The following TMPRSS6 variants were observed in gnomAD, a reference collection of about 807,000 sequenced individuals.
TMPRSS6 encodes the protein transmembrane protease serine 6.
TMPRSS6 carries 67 observed loss-of-function variants against 101.5 expected under a neutral mutation model. The ratio of observed to expected loss-of-function variants is 0.66; its 90% CI spans 0.54 to 0.81. The LOEUF is 0.81. Ranked by LOEUF, TMPRSS6 falls within the 30% of genes least tolerant of loss-of-function variation. The probability of loss-of-function intolerance (pLI) is 0.00; values close to 1 mark genes in which losing one functional copy is unlikely to be tolerated. For synonymous variants in TMPRSS6, 453 were observed against 464.9 expected (o/e 0.97, Z 0.33); for missense variants, 1,034 against 1,088.7 (o/e 0.95, Z 0.71).
At chr22:37,100,419 G>GT (rs1930212709) in intron 2 of TMPRSS6, among the ~76,000 whole-genome samples, 1 of 152,152 alleles carries the variant, frequency 6.6e-6, no homozygotes, top group Non-Finnish European at 1.5e-5. Context: ...TGTCCAGGGG[G>GT]ACAGAGCCTG....
intron 16 of TMPRSS6, chr22:37,068,788 T>G: frequency 1.4e-6 from 1 of 721,400 alleles, no homozygotes. Context: ...GAACAGCAGG[T>G]GGAGCTTGCA....
At chr22:37,090,364 C>T (rs1160263397) in intron 6 of TMPRSS6, among the ~76,000 whole-genome samples, 1 of 152,188 alleles carries the variant, frequency 6.6e-6, no homozygotes, top group African/African-American at 2.4e-5. Flanking sequence ...CCACACACTC[C>T]TCTGGCTGCT....
Position 37,086,394 on chromosome 22 carries a change from G to A in TMPRSS6, c.862C>T (p.Pro288Ser). The A allele has an allele frequency of 6.3e-7, 1 of 1,599,138 alleles. No homozygotes were observed. Among genetic ancestry groups the A allele is most frequent in the East Asian group, 2.3e-5 (1 of 43,848 alleles). Residue 288 changes from proline to serine, a missense_variant, in exon 8 of 18, where the codon CCC becomes TCC. Physicochemically the swap from Pro to Ser is moderately conservative, Grantham distance 74 (BLOSUM62 -1). Coordinates refer to ENST00000676104, the MANE Select transcript of TMPRSS6 (RefSeq NM_001374504.1). ...CCCGACGCCAGAACCTCCACCACGG[G>A]CTCCTGGCGGCTGCAGCCGTACACC... Reference protein sequence around the residue: ...TSVYGCSRQEPVVEVLASGAI... With the variant: ...TSVYGCSRQESVVEVLASGAI...
At chr22:37,073,511 A>T in intron 13 of TMPRSS6, 21 bp downstream of exon 13, 1 of 1,563,070 alleles carries the variant, frequency 6.4e-7, no homozygotes, top group South Asian at 1.1e-5. Context: ...CCCTCCAGAC[A>T]CTCGGCTAGG....
rs1464537074 is a variant in TMPRSS6, at chr22:37,101,116, A to C, written c.202+2100T>G. Among the ~76,000 whole-genome samples, 1 of 151,832 alleles carries C rather than the reference A, an allele frequency of 6.6e-6. No homozygotes were observed. Among genetic ancestry groups the C allele is most frequent in the Non-Finnish European group, 1.5e-5 (1 of 67,966 alleles). On this transcript the variant is annotated intron_variant, in intron 2 of 17. Transcript: ENST00000676104. The surrounding 1 kb of genome is among the most constrained non-coding windows in gnomAD (Gnocchi z 4.1). ...CAAGGAGCAGAGAAATGGGGGAGGC[A>C]CCCCAAGGGACACTGGGGGAGAGAG...
chr22:37,084,415 G>A lies in TMPRSS6; in HGVS notation c.1087-11C>T, dbSNP rs1185849780. 6.2e-7 allele frequency: 1 copy of A among 1,604,624 alleles called. No homozygotes were observed. Among genetic ancestry groups the A allele is most frequent in the Non-Finnish European group, 8.5e-7 (1 of 1,174,572 alleles). On this transcript the variant is annotated splice_polypyrimidine_tract_variant and intron_variant, in intron 9 of 17. Coordinates refer to ENST00000676104, the MANE Select transcript of TMPRSS6 (RefSeq NM_001374504.1). Reference sequence around the variant, plus strand: ...GTCCAGAGAGGGCACCTGGGAGGGAGGAGCGGGCCATCAGGTGGCCCATGG... The same window carrying A: ...GTCCAGAGAGGGCACCTGGGAGGGAAGAGCGGGCCATCAGGTGGCCCATGG...
intron 3 of TMPRSS6, among the ~76,000 whole-genome samples, chr22:37,097,000 G>A (rs1929822091): frequency 6.6e-6 from 1 of 152,176 alleles, no homozygotes; most frequent in African/African-American, 2.4e-5. Flanking sequence ...CCTCAACTCT[G>A]AGAAACCCCA....
At position 37,101,974 on chromosome 22, in the gene TMPRSS6, A is replaced by T. The variant is rs1469590625; in HGVS notation, c.202+1242T>A. Reference sequence around the variant, plus strand: ...ACTCTGGGTAGAATCACTATAAGTCATTGCAAGCAGGCCCGTGTCAGACCT... The same window carrying T: ...ACTCTGGGTAGAATCACTATAAGTCTTTGCAAGCAGGCCCGTGTCAGACCT... On this transcript the variant is annotated intron_variant, in intron 2 of 17. Coordinates refer to ENST00000676104, the MANE Select transcript of TMPRSS6 (RefSeq NM_001374504.1). This position sits in a 1 kb window ranked among gnomAD's most constrained non-coding sequence, Gnocchi z 4.1. Among the ~76,000 whole-genome samples the T allele has an allele frequency of 6.6e-6, 1 of 152,156 alleles. No individual in the cohort carries two copies. The highest frequency in any genetic ancestry group is 1.5e-5 in the Non-Finnish European group (1 of 68,014).
At chr22:37,098,339 G>T in intron 3 of TMPRSS6, 77 bp downstream of exon 3, 1 of 1,607,744 alleles carries the variant, frequency 6.2e-7, no homozygotes, top group Non-Finnish European at 8.5e-7. Flanking sequence ...TGACCAACTG[G>T]CTCCATGTGA....
chr22:37,074,552 G>T, intron 12 of TMPRSS6, 58 bp downstream of exon 12: 1 of 1,516,614 alleles, frequency 6.6e-7, no homozygotes, highest in Non-Finnish European at 9.1e-7. Flanking sequence ...GAGCAGGAAA[G>T]GTGAGGAAGG....
Position 37,098,467 on chromosome 22 carries a change from G to T in TMPRSS6, c.285C>A (p.Thr95=). ...VLNRHFSQDL[T]RRESSAFRSE... ...TGCGGAAGGCACTAGATTCCCGGCGGGTAAGATCCTGGGAGAAGTGGCGAT... is the reference window on the plus strand; with the variant it reads ...TGCGGAAGGCACTAGATTCCCGGCGTGTAAGATCCTGGGAGAAGTGGCGAT... The change falls in exon 3 of 18, where the codon ACC becomes ACA. Residue 95 remains threonine, a synonymous_variant. Transcript: ENST00000676104. 6.2e-7 allele frequency: 1 copy of T among 1,614,070 alleles called. No individual in the cohort carries two copies. Among genetic ancestry groups the T allele is most frequent in the Non-Finnish European group, 8.5e-7 (1 of 1,180,010 alleles).
In TMPRSS6 at chr22:37,074,720, C is replaced by T. The variant is rs1927457898; in HGVS notation, c.1343-12G>A. On this transcript the variant is annotated splice_polypyrimidine_tract_variant and intron_variant, in intron 11 of 17. Coordinates refer to ENST00000676104, the MANE Select transcript of TMPRSS6 (RefSeq NM_001374504.1). The stretch of plus-strand genomic sequence containing the variant: ...CTCTCCAGGGCAGGCTGCAAAACCA[C>T]AGGGGACCGTGGAGGCAGGCAGGGC... 2 of 1,613,848 alleles carry T rather than the reference C, an allele frequency of 1.2e-6. No individual in the cohort carries two copies. The highest frequency in any genetic ancestry group is 1.3e-5 in the African/African-American group (1 of 74,932).
In TMPRSS6 at chr22:37,087,217, C is replaced by T. The variant is rs527933531; in HGVS notation, c.837-798G>A. 7.2e-5 allele frequency among the ~76,000 whole-genome samples: 11 copies of T among 152,310 alleles called. No individual in the cohort carries two copies. The South Asian group carries it at 2.3e-3, about 32-fold the overall frequency. On this transcript the variant is annotated intron_variant, in intron 7 of 17. Coordinates refer to ENST00000676104, the MANE Select transcript of TMPRSS6 (RefSeq NM_001374504.1). ...CCAAACTTCCCAGTGTCAATGGCAA[C>T]ACTCTCTGGAGTCCAGCGCATCTGA...
At chr22:37,094,227 T>G (rs1020014563) in intron 6 of TMPRSS6, among the ~76,000 whole-genome samples, 1 of 152,152 alleles carries the variant, frequency 6.6e-6, no homozygotes, top group East Asian at 1.9e-4. Context: ...AGATGTTAAC[T>G]TTCAGAAGAC....
At chr22:37,078,973 A>AAAGAAAGAAAGAAAGAAAGAAAG in intron 10 of TMPRSS6, among the ~76,000 whole-genome samples, 1 of 106,590 alleles carries the variant, frequency 9.4e-6, no homozygotes, top group South Asian at 3.4e-4. Context: ...GAAAGAAAGA[A>AAAGAAAGAAAGAAAGAAAGAAAG]AAAGAAAGAA....
chr22:37,074,435 C>T (rs1927424879), intron 12 of TMPRSS6, among the ~76,000 whole-genome samples, 175 bp downstream of exon 12: 1 of 152,184 alleles, frequency 6.6e-6, no homozygotes, highest in Admixed American at 6.5e-5. Flanking sequence ...GGGGAGGCTG[C>T]ATTGCTGGTC....
Position 37,101,518 on chromosome 22 carries a change from G to T in TMPRSS6, c.202+1698C>A, listed in dbSNP as rs73421625. ...TTGTGCACCTCCTCTTCCAGACAGGGCAGGGCGTGTCTCTGATCCACTTCC... is the reference window on the plus strand; with the variant it reads ...TTGTGCACCTCCTCTTCCAGACAGGTCAGGGCGTGTCTCTGATCCACTTCC... On this transcript the variant is annotated intron_variant, in intron 2 of 17. Coordinates refer to ENST00000676104, the MANE Select transcript of TMPRSS6 (RefSeq NM_001374504.1). This position sits in a 1 kb window ranked among gnomAD's most constrained non-coding sequence, Gnocchi z 4.1. Among the ~76,000 whole-genome samples the T allele has an allele frequency of 0.024, 3,615 of 152,174 alleles. 149 individuals carry two copies. Among genetic ancestry groups the T allele is most frequent in the African/African-American group, 0.082 (3,420 of 41,476 alleles).
In TMPRSS6 at chr22:37,095,579, T is replaced by C. The variant is rs1601563473; in HGVS notation, c.603A>G (p.Lys201=). 13 of 1,611,164 alleles carry C rather than the reference T, an allele frequency of 8.1e-6. No homozygotes were observed. The highest frequency in any genetic ancestry group is 1.1e-5 in the Non-Finnish European group (13 of 1,179,402). ...GCGTGGAATTCAATGCAGCTATGTCTTTCACACTGGCTTCTGATAAAAGGA... is the reference window on the plus strand; with the variant it reads ...GCGTGGAATTCAATGCAGCTATGTCCTTCACACTGGCTTCTGATAAAAGGA... ...EGLVILEASV[K]DIAALNSTLG... Residue 201 remains lysine, a synonymous_variant, in exon 6 of 18, where the codon AAA becomes AAG. Transcript: ENST00000676104.
In TMPRSS6 at chr22:37,103,412, G is replaced by C; in HGVS notation, c.6C>G (p.Pro2=). Residue 2 remains proline (P), a synonymous_variant, in exon 2 of 18, where the codon CCC becomes CCG. Transcript: ENST00000676104. The surrounding 1 kb of genome is among the most constrained non-coding windows in gnomAD (Gnocchi z 4.4). ...CAGCCACCTGGGGGGCCTCGGCCAC[G>C]GGCATCCTGCCAGGGAAACAGACCA... is the stretch of plus-strand genomic sequence containing the variant. The part of the protein sequence containing the change: M[P]VAEAPQVAGG... The C allele has an allele frequency of 6.2e-7, 1 of 1,614,194 alleles. No individual in the cohort carries two copies.
Sources: gnomAD v4.1 joint callset for allele counts (sites outside exome capture counted in the v4.1 genomes callset) on GRCh38, gnomAD v4.1.1 for gene constraint, Gnocchi (gnomAD v3.1) non-coding constraint, MANE v1.5 for transcripts, NCBI Gene and HGNC (gene_info 2026-07-23, HGNC 2026-07-21) for gene names.